ROR1: variants seen among roughly 807,000 people sequenced by gnomAD.
ROR1 encodes the protein inactive tyrosine-protein kinase transmembrane receptor ROR1.
A neutral mutation model predicts 78.8 loss-of-function variants in ROR1; 19 were observed. The ratio of observed to expected loss-of-function variants is 0.24; its 90% CI spans 0.17 to 0.35. ROR1 has a LOEUF of 0.35. ROR1 is among the 10% of genes least tolerant of loss of function. The pLI, the probability that ROR1 is intolerant of heterozygous loss-of-function variation, is 1.00. For missense variants in ROR1, 917 were observed against 1,177.8 expected, an observed-to-expected ratio of 0.78 and a Z score of 3.24; for synonymous variants, 386 against 433.6, an observed-to-expected ratio of 0.89 and a Z score of 1.36.
intron 1 of ROR1, among the ~76,000 whole-genome samples, chr1:63,964,518 A>G (rs1395796648): frequency 6.6e-6 from 1 of 152,226 alleles, no homozygotes; most frequent in Non-Finnish European, 1.5e-5. Flanking sequence ...GAACTGTGCC[A>G]GGAGTAGTGA....
intron 1 of ROR1, among the ~76,000 whole-genome samples, chr1:63,787,207 C>T (rs560979394): frequency 1.3e-5 from 2 of 152,296 alleles, no homozygotes; most frequent in South Asian, 4.2e-4. Flanking sequence ...TCCAGGAAGG[C>T]ACCCTGGCCT....
chr1:63,970,524 C>T (rs1433847069), intron 1 of ROR1, among the ~76,000 whole-genome samples: 1 of 152,138 alleles, frequency 6.6e-6, no homozygotes, highest in African/African-American at 2.4e-5. Context: ...CTTTAGGAAG[C>T]TCTTCAACCT....
chr1:63,938,093 A>G (rs115898773), intron 1 of ROR1, among the ~76,000 whole-genome samples: 5,038 of 152,240 alleles, frequency 0.033, 94 homozygotes, highest in African/African-American at 0.05. Flanking sequence ...TTGGCCTCCC[A>G]TATCCGTGGG....
At position 64,059,117 on chromosome 1, in the gene ROR1, C is replaced by G. The variant is rs187537790; in HGVS notation, c.482+8401C>G. Among the ~76,000 whole-genome samples, 54 of 152,104 alleles carry G rather than the reference C, an allele frequency of 3.6e-4. No individual in the cohort carries two copies. The East Asian group carries it at 6.9e-3, about 20-fold the overall frequency. Reference sequence around the variant, plus strand: ...TATCTAAGTTATTTTATTCCTTTATCATTCTTTTAATTTCTGTAACATCAT... The same window carrying G: ...TATCTAAGTTATTTTATTCCTTTATGATTCTTTTAATTTCTGTAACATCAT... On this transcript the variant is annotated intron_variant, in intron 4 of 8. Transcript: ENST00000371079.
At chr1:63,797,388 C>G (rs1378278582) in intron 1 of ROR1, among the ~76,000 whole-genome samples, 1 of 152,162 alleles carries the variant, frequency 6.6e-6, no homozygotes, top group East Asian at 1.9e-4. Flanking sequence ...CTCTCTGGTG[C>G]TCTGGAGTAG....
At chr1:64,094,758 T>G (rs1365597029) in intron 4 of ROR1, 1 of 152,262 alleles carries the variant, frequency 6.6e-6, no homozygotes, top group Non-Finnish European at 1.5e-5. Context: ...CCCAGCTGAT[T>G]TTTGTATTTT....
At chr1:63,797,984 T>C (rs1007271563) in intron 1 of ROR1, among the ~76,000 whole-genome samples, 2 of 152,176 alleles carry the variant, frequency 1.3e-5, no homozygotes, top group African/African-American at 2.4e-5. Context: ...AGGGAGAAAG[T>C]TGCCCTTTTG....
intron 1 of ROR1, among the ~76,000 whole-genome samples, chr1:63,965,765 C>G (rs1262068800): frequency 6.6e-6 from 1 of 152,096 alleles, no homozygotes; most frequent in Non-Finnish European, 1.5e-5. Context: ...GAGGATAGCC[C>G]TTTTTTGGAG....
chr1:64,163,267 A>ACACACACAC (rs1649997042), intron 8 of ROR1, among the ~76,000 whole-genome samples: 1 of 130,866 alleles, frequency 7.6e-6, no homozygotes, highest in African/African-American at 2.8e-5. Context: ...ACACACACAC[A>ACACACACAC]ATTCGCCAGG....
chr1:63,780,686 T>A (rs138417314), intron 1 of ROR1, among the ~76,000 whole-genome samples: 1 of 152,294 alleles, frequency 6.6e-6, no homozygotes, highest in Non-Finnish European at 1.5e-5. Context: ...GCAGATGCTC[T>A]AGATCTGAGC....
chr1:63,936,722 A>T lies in ROR1; in HGVS notation c.92-72583A>T, dbSNP rs545948528. 9.2e-5 allele frequency among the ~76,000 whole-genome samples: 14 copies of T among 152,330 alleles called. No individual in the cohort carries two copies. The South Asian group carries it at 2.7e-3, about 29-fold the overall frequency. ...CCATTTTTAGCTAGAGATCTGGGGC[A>T]GGTGATGTTACCCTTCTGAGCACTT... On this transcript the variant is annotated intron_variant, in intron 1 of 8. Transcript: ENST00000371079.
At chr1:63,916,281 C>G (rs1044887767) in intron 1 of ROR1, among the ~76,000 whole-genome samples, 1 of 152,142 alleles carries the variant, frequency 6.6e-6, no homozygotes, top group Non-Finnish European at 1.5e-5. Flanking sequence ...GAGCATTCAT[C>G]GGGCCAGGCG....
chr1:63,917,514 C>G (rs573975046), intron 1 of ROR1, among the ~76,000 whole-genome samples: 8 of 152,278 alleles, frequency 5.3e-5, no homozygotes, highest in Admixed American at 5.2e-4. Context: ...AATTTGCCAT[C>G]ATTTTATTCA....
At chr1:63,881,852 G>C (rs1441222595) in intron 1 of ROR1, among the ~76,000 whole-genome samples, 1 of 152,188 alleles carries the variant, frequency 6.6e-6, no homozygotes, top group Admixed American at 6.5e-5. Context: ...CTGGAGGATT[G>C]TGTTGGGGAG....
intron 4 of ROR1, chr1:64,095,236 A>G (rs879594786): frequency 2.0e-5 from 3 of 152,318 alleles, no homozygotes; most frequent in Admixed American, 1.3e-4. Context: ...GGAACGTTCA[A>G]AATAAATAAG....
chr1:63,779,594 T>G (rs988198802), intron 1 of ROR1, among the ~76,000 whole-genome samples: 3 of 152,160 alleles, frequency 2.0e-5, no homozygotes, highest in African/African-American at 7.2e-5. Context: ...GAGACTGACT[T>G]GCATGCCAGG....
At chr1:63,853,849 A>ATATTTAGTAGAGAAT (rs1553137530) in intron 1 of ROR1, among the ~76,000 whole-genome samples, 1 of 152,256 alleles carries the variant, frequency 6.6e-6, no homozygotes, top group African/African-American at 2.4e-5. Context: ...CCTCTCCTGT[A>ATATTTAGTAGAGAAT]TTAGCATAAT....
chr1:64,062,249 T>G (rs1557633318), intron 4 of ROR1, among the ~76,000 whole-genome samples: 1 of 152,206 alleles, frequency 6.6e-6, no homozygotes. Context: ...CAGGAGGCAG[T>G]GCAGTGGTGG....
chr1:63,988,403 A>G (rs1646268359), intron 1 of ROR1, among the ~76,000 whole-genome samples: 2 of 152,212 alleles, frequency 1.3e-5, no homozygotes, highest in South Asian at 4.1e-4. Context: ...TCTCTGACAT[A>G]TGGACATCTA....
Sources: gnomAD v4.1 joint callset for allele counts (sites outside exome capture counted in the v4.1 genomes callset) on GRCh38, gnomAD v4.1.1 for gene constraint, MANE v1.5 for transcripts, NCBI Gene and HGNC (gene_info 2026-07-23, HGNC 2026-07-21) for gene names.